The following MBOAT2 variants were observed in gnomAD, a reference collection of about 807,000 sequenced individuals.
MBOAT2 encodes membrane-bound glycerophospholipid O-acyltransferase 2.
A neutral mutation model predicts 63.4 loss-of-function variants in MBOAT2; 28 were observed. The observed-to-expected ratio is 0.44, with a 90% CI of 0.33 to 0.61. The LOEUF (loss-of-function observed/expected upper bound fraction) is 0.61. Among genes scored for constraint, MBOAT2 ranks in the 20% least tolerant of loss-of-function variants. The pLI, the probability that MBOAT2 is intolerant of heterozygous loss-of-function variation, is 0.03. For synonymous variants in MBOAT2, 211 were observed against 215.6 expected, an observed-to-expected ratio of 0.98 and a Z score of 0.19; for missense variants, 470 against 605.8, an observed-to-expected ratio of 0.78 and a Z score of 2.35.
At chr2:8,872,824 G>A (rs74827786) in intron 8 of MBOAT2, among the ~76,000 whole-genome samples, 3,399 of 152,164 alleles carry the variant, frequency 0.022, 136 homozygotes, top group African/African-American at 0.076. Flanking sequence ...ATACATACTC[G>A]TATCTATCCT....
Position 8,972,528 on chromosome 2 carries a change from T to C in MBOAT2, c.76-13886A>G, listed in dbSNP as rs551772692. ...CCAAAATTGACAAATGGGATCTAAA[T>C]AAACTAAAGAGCTTCTGCACAGCAA... On this transcript the variant is annotated intron_variant, in intron 1 of 12. Coordinates refer to ENST00000305997, the MANE Select transcript of MBOAT2 (RefSeq NM_138799.4). 5.3e-5 allele frequency among the ~76,000 whole-genome samples: 8 copies of C among 152,188 alleles called. No individual in the cohort carries two copies. The South Asian group carries it at 1.7e-3, about 32-fold the overall frequency.
intron 1 of MBOAT2, among the ~76,000 whole-genome samples, chr2:8,976,930 A>G (rs1670858598): frequency 6.6e-6 from 1 of 152,186 alleles, no homozygotes; most frequent in African/African-American, 2.4e-5. Context: ...AAGAAGCCAG[A>G]AAGAGAGAAG....
At chr2:8,881,262 T>A (rs1663112630) in intron 6 of MBOAT2, among the ~76,000 whole-genome samples, 1 of 152,104 alleles carries the variant, frequency 6.6e-6, no homozygotes, top group African/African-American at 2.4e-5. Flanking sequence ...AGAATCAAAG[T>A]AGGATTGCTT....
At chr2:8,971,319 C>T (rs1332156426) in intron 1 of MBOAT2, among the ~76,000 whole-genome samples, 1 of 152,196 alleles carries the variant, frequency 6.6e-6, no homozygotes, top group African/African-American at 2.4e-5. Flanking sequence ...TTCAACAGCC[C>T]TTCGTGCTAA....
At chr2:8,981,550 T>C (rs1444488766) in intron 1 of MBOAT2, among the ~76,000 whole-genome samples, 1 of 152,148 alleles carries the variant, frequency 6.6e-6, no homozygotes, top group Non-Finnish European at 1.5e-5. Context: ...GAGAAGACGA[T>C]GCTCTCCCTT....
rs1031693897 is a variant in MBOAT2, at chr2:8,899,017, C to T, written c.395+9604G>A. ...CCTTATTAAGGCTTGAGCTTTGAAA[C>T]GTTTAACAATATCTTGCAATCCTTT... On this transcript the variant is annotated intron_variant, in intron 4 of 12. Transcript: ENST00000305997. 2.6e-5 allele frequency among the ~76,000 whole-genome samples: 4 copies of T among 152,182 alleles called. No homozygotes were observed. The East Asian group carries it at 5.8e-4, about 22-fold the overall frequency.
intron 3 of MBOAT2, among the ~76,000 whole-genome samples, chr2:8,942,321 A>G (rs985645601): frequency 3.9e-5 from 6 of 152,222 alleles, no homozygotes; most frequent in Admixed American, 2.6e-4. Flanking sequence ...TTCAGAATTC[A>G]GAAATATGGT....
intron 1 of MBOAT2, among the ~76,000 whole-genome samples, chr2:8,996,379 G>A (rs1672306400): frequency 6.6e-6 from 1 of 152,178 alleles, no homozygotes; most frequent in Admixed American, 6.5e-5. Context: ...TATTCATCGG[G>A]TAGAGAAGTA....
At chr2:8,990,945 T>C (rs1375983380) in intron 1 of MBOAT2, among the ~76,000 whole-genome samples, 1 of 152,190 alleles carries the variant, frequency 6.6e-6, no homozygotes, top group African/African-American at 2.4e-5. Context: ...TCTCCAAAGA[T>C]ACTAAGTACT....
intron 1 of MBOAT2, among the ~76,000 whole-genome samples, chr2:8,965,723 T>C (rs937711483): frequency 1.3e-5 from 2 of 152,158 alleles, no homozygotes; most frequent in African/African-American, 4.8e-5. Context: ...TACACTTATA[T>C]GTAATTGAGC....
intron 2 of MBOAT2, among the ~76,000 whole-genome samples, chr2:8,943,888 G>A (rs554094025): frequency 6.6e-6 from 1 of 151,918 alleles, no homozygotes; most frequent in Non-Finnish European, 1.5e-5. Flanking sequence ...TTTTGAGGTG[G>A]AGTCTCACAC....
chr2:8,866,810 C>T (rs1661927776), intron 9 of MBOAT2, among the ~76,000 whole-genome samples: 1 of 152,194 alleles, frequency 6.6e-6, no homozygotes, highest in Non-Finnish European at 1.5e-5. Flanking sequence ...ACCCTCTATA[C>T]TCCACATCCC....
chr2:8,980,763 G>A (rs78530062), intron 1 of MBOAT2, among the ~76,000 whole-genome samples: 2 of 152,156 alleles, frequency 1.3e-5, no homozygotes, highest in East Asian at 3.9e-4. Context: ...ACTGCTGATG[G>A]GAATATAAAA....
chr2:8,995,473 CA>C (rs1315151482), intron 1 of MBOAT2, among the ~76,000 whole-genome samples: 1 of 152,172 alleles, frequency 6.6e-6, no homozygotes, highest in Non-Finnish European at 1.5e-5. Context: ...GTAGAGTACA[CA>C]GTGAATTTTA....
At chr2:8,922,548 T>A (rs188150906) in intron 3 of MBOAT2, among the ~76,000 whole-genome samples, 54 of 152,342 alleles carry the variant, frequency 3.5e-4, no homozygotes, top group Admixed American at 1.3e-3. Context: ...ATGTCTCTAC[T>A]CAGTTTTTTA....
intron 1 of MBOAT2, among the ~76,000 whole-genome samples, chr2:8,996,528 A>C (rs1193380430): frequency 6.6e-6 from 1 of 152,168 alleles, no homozygotes; most frequent in East Asian, 1.9e-4. Context: ...GGATGGGAGA[A>C]GCGAGAGGCA....
chr2:8,903,294 C>A (rs1665098055), intron 4 of MBOAT2, among the ~76,000 whole-genome samples: 1 of 152,170 alleles, frequency 6.6e-6, no homozygotes, highest in Non-Finnish European at 1.5e-5. Flanking sequence ...GAAAAAAATG[C>A]TGCCTACAAA....
chr2:8,945,904 A>G (rs996419324), intron 2 of MBOAT2, among the ~76,000 whole-genome samples: 5 of 152,198 alleles, frequency 3.3e-5, no homozygotes, highest in African/African-American at 7.2e-5. Flanking sequence ...CTGAATGTCT[A>G]CCTTCTGAAA....
At chr2:8,869,208 ATTT>A (rs750568440) in intron 8 of MBOAT2, among the ~76,000 whole-genome samples, 2 of 124,950 alleles carry the variant, frequency 1.6e-5, no homozygotes, top group South Asian at 2.6e-4. Flanking sequence ...CATCATGCCT[ATTT>A]TTTTTTTTTT....
Sources: allele counts gnomAD v4.1 joint callset (sites outside exome capture counted in the v4.1 genomes callset), GRCh38; gene constraint gnomAD v4.1.1; transcripts MANE v1.5; gene names NCBI Gene and HGNC (gene_info 2026-07-23, HGNC 2026-07-21).